Variants in NUP88 observed in about 807,000 individuals in gnomAD.
The protein encoded by NUP88 is nucleoporin 88, also known as nuclear pore complex protein Nup88.
In NUP88, 57 loss-of-function variants were observed where a neutral mutation model predicts 93.9. That is an observed-to-expected ratio of 0.61 (90% confidence interval 0.49 to 0.76). The LOEUF is 0.76. Among genes scored for constraint, NUP88 ranks in the 30% least tolerant of loss-of-function variants. NUP88 has a pLI of 0.00. For synonymous variants in NUP88, 346 were observed against 336.8 expected, an observed-to-expected ratio of 1.03 and a Z score of -0.30; for missense variants, 911 against 901.0, an observed-to-expected ratio of 1.01 and a Z score of -0.14.
chr17:5,384,846 G>T lies in NUP88; in HGVS notation c.*1360C>A. The T allele has an allele frequency of 4.6e-6, 1 of 218,398 alleles. No individual in the cohort carries two copies. Among genetic ancestry groups the T allele is most frequent in the Non-Finnish European group, 9.2e-6 (1 of 109,068 alleles). 13.5% of individuals were successfully genotyped at this position (218,398 alleles called of 1,614,324 possible). A position where few individuals can be genotyped will look rare whatever the true frequency, so the allele number is the denominator to read the frequency against. ...AACATATAACTATTGAGTTACAGGG[G>T]ATTTTATTAATTATAAAATGCAATC... On this transcript the variant is annotated 3_prime_UTR_variant, in exon 17 of 17. Transcript: ENST00000573584.
rs566748482 is a variant in NUP88 at position 5,406,599 on chromosome 17, G to C, written c.858-1356C>G. On this transcript the variant is annotated intron_variant, in intron 5 of 16. Coordinates refer to ENST00000573584, the MANE Select transcript of NUP88 (RefSeq NM_002532.6). Reference sequence around the variant, plus strand: ...GGAAACTATTTAAGAAAATAAGCCAGGCAGATGGTGAAGTAGGCAGATGAT... The same window carrying C: ...GGAAACTATTTAAGAAAATAAGCCACGCAGATGGTGAAGTAGGCAGATGAT... 2.6e-5 allele frequency among the ~76,000 whole-genome samples: 4 copies of C among 152,288 alleles called. No individual in the cohort carries two copies. In the South Asian group the frequency reaches 8.3e-4, roughly 32 times the overall value.
intron 16 of NUP88, 152 bp downstream of exon 16, chr17:5,386,552 ATTTC>A: frequency 1.5e-6 from 1 of 682,862 alleles, no homozygotes; most frequent in Non-Finnish European, 2.6e-6. Flanking sequence ...CACCATAGTC[ATTTC>A]TTAAGTCCCT....
At chr17:5,411,457 G>A (rs926160868) in intron 3 of NUP88, among the ~76,000 whole-genome samples, 8 of 151,780 alleles carry the variant, frequency 5.3e-5, no homozygotes, top group Non-Finnish European at 1.0e-4. Context: ...CCAGCTACTC[G>A]GGAGGCTGAG....
Position 5,390,172 on chromosome 17 carries a change from A to AC in NUP88, c.1485-1213_1485-1212insG, listed in dbSNP as rs1292467192. Reference sequence around the variant, plus strand: ...ACAGCAAACTCCGTCTCAAAAAAAAAAAAAAAAAATATCCAGACAATTAAT... The same window carrying AC: ...ACAGCAAACTCCGTCTCAAAAAAAAACAAAAAAAAATATCCAGACAATTAAT... On this transcript the variant is annotated intron_variant, in intron 10 of 16. Transcript: ENST00000573584. Among the ~76,000 whole-genome samples, 27 of 147,668 alleles carry AC rather than the reference A, an allele frequency of 1.8e-4. 1 individual carries two copies. The highest frequency in any genetic ancestry group is 1.6e-4 in the Non-Finnish European group (11 of 67,068).
At chr17:5,403,067 G>A (rs1262779227) in intron 7 of NUP88, among the ~76,000 whole-genome samples, 1 of 152,202 alleles carries the variant, frequency 6.6e-6, no homozygotes, top group Non-Finnish European at 1.5e-5. Context: ...GGGGCCAGGT[G>A]CGCGGTGGCT....
At position 5,408,895 on chromosome 17, in the gene NUP88, G is replaced by A. The variant is rs779609494; in HGVS notation, c.695C>T (p.Ala232Val). Residue 232 changes from alanine (A) to valine (V), a missense_variant, in exon 5 of 17, where the codon GCA becomes GTA. Coordinates refer to ENST00000573584, the MANE Select transcript of NUP88 (RefSeq NM_002532.6). ...LVLNKGRAYT[A>V]SLGETAVAFD... is the part of the protein sequence containing the mutation. Reference sequence around the variant, plus strand: ...TGCAACTGCTGTCTCTCCTAGAGATGCGGTATACGCCCTTCTGGAAAGAGA... The same window carrying A: ...TGCAACTGCTGTCTCTCCTAGAGATACGGTATACGCCCTTCTGGAAAGAGA... 15 of 1,609,024 alleles carry A rather than the reference G, an allele frequency of 9.3e-6. No individual in the cohort carries two copies. The Admixed American group carries it at 1.5e-4, about 16-fold the overall frequency.
At chr17:5,414,770 T>C (rs1387450829) in intron 2 of NUP88, among the ~76,000 whole-genome samples, 1 of 146,092 alleles carries the variant, frequency 6.8e-6, no homozygotes, top group Non-Finnish European at 1.5e-5. Flanking sequence ...AATACAAGAA[T>C]TAGGCAAGTG....
chr17:5,395,474 GA>G (rs1334858029), intron 8 of NUP88, among the ~76,000 whole-genome samples: 1 of 151,672 alleles, frequency 6.6e-6, no homozygotes, highest in Non-Finnish European at 1.5e-5. Context: ...TTCAAGGATG[GA>G]AAAAAGAAAA....
intron 1 of NUP88, among the ~76,000 whole-genome samples, chr17:5,417,299 G>T (rs1236267990): frequency 6.6e-6 from 1 of 152,000 alleles, no homozygotes; most frequent in Non-Finnish European, 1.5e-5. Context: ...CTGTATGCTG[G>T]ACATACAAAA....
intron 10 of NUP88, among the ~76,000 whole-genome samples, chr17:5,391,001 T>A (rs950194428): frequency 6.6e-6 from 1 of 152,210 alleles, no homozygotes; most frequent in Non-Finnish European, 1.5e-5. Flanking sequence ...CCAGTTTACA[T>A]AGTCTACAGT....
At chr17:5,419,242 C>G in intron 1 of NUP88, 112 bp downstream of exon 1, 2 of 1,263,102 alleles carry the variant, frequency 1.6e-6, no homozygotes, top group Non-Finnish European at 2.1e-6. Context: ...GCGTCGGAGT[C>G]AATCCGCTGG....
chr17:5,393,500 G>GCA (rs1912578765), intron 9 of NUP88, among the ~76,000 whole-genome samples: 1 of 137,168 alleles, frequency 7.3e-6, no homozygotes, highest in Non-Finnish European at 1.5e-5. Flanking sequence ...GCAGTGGCAT[G>GCA]ATCTCAGCTC....
At position 5,399,617 on chromosome 17, in the gene NUP88, T is replaced by A; in HGVS notation, c.1226A>T (p.His409Leu). 1 of 1,606,414 alleles carries A rather than the reference T, an allele frequency of 6.2e-7. No homozygotes were observed. The highest frequency in any genetic ancestry group is 8.5e-7 in the Non-Finnish European group (1 of 1,174,250). The part of the protein sequence containing the change: ...PKCPSRYHCT[H>L]EAGVHSVGLT... ...CCCAACACTATGTACACCAGCTTCA[T>A]GAGTACAGTGATATCTTGAAGGACA... Residue 409 changes from histidine (H) to leucine (L), a missense_variant, in exon 8 of 17, where the codon CAT becomes CTT. His to Leu is a moderately conservative substitution (Grantham distance 99). Coordinates refer to ENST00000573584, the MANE Select transcript of NUP88 (RefSeq NM_002532.6).
Position 5,404,224 on chromosome 17 carries a change from C to A in NUP88, c.1067G>T (p.Arg356Met), listed in dbSNP as rs1473137165. The A allele has an allele frequency of 1.9e-6, 3 of 1,613,486 alleles. No homozygotes were observed. The South Asian group carries it at 3.3e-5, about 18-fold the overall frequency. ...ATACAGAGAAGGAATGAGGTCAATCCTGGAATCCCAGGACTTTTCTGACTG... is the reference window on the plus strand; with the variant it reads ...ATACAGAGAAGGAATGAGGTCAATCATGGAATCCCAGGACTTTTCTGACTG... Reference protein sequence around the residue: ...DHTSEKSWDSRIDLIPSLYVF... With the variant: ...DHTSEKSWDSMIDLIPSLYVF... The change falls in exon 7 of 17, where the codon AGG becomes ATG. Residue 356 changes from arginine to methionine, a missense_variant. Physicochemically the swap from Arg to Met is moderately conservative, Grantham distance 91. Coordinates refer to ENST00000573584, the MANE Select transcript of NUP88 (RefSeq NM_002532.6).
intron 7 of NUP88, among the ~76,000 whole-genome samples, chr17:5,401,904 C>T: frequency 6.6e-6 from 1 of 152,218 alleles, no homozygotes; most frequent in East Asian, 1.9e-4. Flanking sequence ...GTAGCCATTT[C>T]ACTTTGTCAC....
rs114861934 is a variant in NUP88 at position 5,408,449 on chromosome 17, G to A, written c.857+284C>T. ...CCTACGTGGTGTCTTGTTCATATAA[G>A]ATAAACAATAAGCACTTGTTCGGAT... On this transcript the variant is annotated intron_variant, in intron 5 of 16. Coordinates refer to ENST00000573584, the MANE Select transcript of NUP88 (RefSeq NM_002532.6). 6.3e-3 allele frequency among the ~76,000 whole-genome samples: 955 copies of A among 152,268 alleles called. 7 individuals carry two copies. Among genetic ancestry groups the A allele is most frequent in the African/African-American group, 0.022 (898 of 41,554 alleles).
chr17:5,419,367 A>G lies in NUP88; in HGVS notation c.284T>C (p.Leu95Pro). 6.3e-7 allele frequency: 1 copy of G among 1,592,944 alleles called. No homozygotes were observed. Among genetic ancestry groups the G allele is most frequent in the Non-Finnish European group, 8.5e-7 (1 of 1,170,540 alleles). ...GCCTGGCATTACCTGGTACTGGGAC[A>G]GGGCGGGCTCTTCGCCGCCGCCGCT... ...GPSGGGEEPA[L>P]SQYQRLLCIN... Residue 95 changes from leucine to proline, a missense_variant, in exon 1 of 17, where the codon CTG (leucine) becomes CCG (proline). Transcript: ENST00000573584.
At chr17:5,398,890 C>CTTTTTT (rs751156685) in intron 8 of NUP88, among the ~76,000 whole-genome samples, 3 of 131,920 alleles carry the variant, frequency 2.3e-5, no homozygotes, top group Admixed American at 7.6e-5. Context: ...TGCACCCAGC[C>CTTTTTT]TTTTTTTTTT....
Position 5,387,618 on chromosome 17 carries a change from A to G in NUP88, c.1822T>C (p.Cys608Arg), listed in dbSNP as rs1193814765. The G allele has an allele frequency of 3.7e-6, 6 of 1,613,144 alleles. No homozygotes were observed. In the Admixed American group the frequency reaches 8.4e-5, roughly 22 times the overall value. ...KKKQLEDLSY[C>R]REERKSLREM... ...TTTGACACTTACCTCTCTTCTCGACAATAACTGAGATCTTCTAGTTGTTTC... is the reference window on the plus strand; with the variant it reads ...TTTGACACTTACCTCTCTTCTCGACGATAACTGAGATCTTCTAGTTGTTTC... Residue 608 changes from cysteine to arginine, a missense_variant, in exon 13 of 17, where the codon TGT (cysteine) becomes CGT (arginine). Transcript: ENST00000573584.
Sources: gnomAD v4.1 joint callset for allele counts (sites outside exome capture counted in the v4.1 genomes callset) on GRCh38, gnomAD v4.1.1 for gene constraint, MANE v1.5 for transcripts, NCBI Gene and HGNC (gene_info 2026-07-23, HGNC 2026-07-21) for gene names.